The following GABRB2 variants were observed in gnomAD, a reference collection of about 807,000 sequenced individuals.
GABRB2 encodes the protein gamma-aminobutyric acid type A receptor subunit beta2.
GABRB2 carries 16 observed loss-of-function variants against 54.7 expected under a neutral mutation model. The ratio of observed to expected loss-of-function variants is 0.29; its 90% CI spans 0.20 to 0.44. The LOEUF is 0.44. Ranked by LOEUF, GABRB2 falls within the 20% of genes least tolerant of loss-of-function variation. GABRB2 has a pLI of 1.00. For synonymous variants in GABRB2, 244 were observed against 233.8 expected, an observed-to-expected ratio of 1.04 and a Z score of -0.40; for missense variants, 355 against 644.0, an observed-to-expected ratio of 0.55 and a Z score of 4.86.
intron 3 of GABRB2, among the ~76,000 whole-genome samples, chr5:161,525,035 CA>C (rs1388452804): frequency 6.6e-6 from 1 of 151,236 alleles, no homozygotes; most frequent in East Asian, 1.9e-4. Context: ...TGCTCAGAAT[CA>C]GAACAAAAAT....
At chr5:161,500,362 A>T (rs564773315) in intron 3 of GABRB2, among the ~76,000 whole-genome samples, 2 of 152,154 alleles carry the variant, frequency 1.3e-5, no homozygotes, top group Admixed American at 1.3e-4. Flanking sequence ...GGAGTGGATG[A>T]CCCTGAAGTC....
chr5:161,431,655 T>C (rs1290035381), intron 4 of GABRB2, among the ~76,000 whole-genome samples: 1 of 152,204 alleles, frequency 6.6e-6, no homozygotes, highest in Non-Finnish European at 1.5e-5. Context: ...AGTTTCTACA[T>C]TTCTCCTGCA....
At chr5:161,478,324 G>A (rs984035280) in intron 3 of GABRB2, among the ~76,000 whole-genome samples, 2 of 151,938 alleles carry the variant, frequency 1.3e-5, no homozygotes, top group African/African-American at 4.8e-5. Flanking sequence ...GAATTACAAA[G>A]GTTGCATACA....
chr5:161,346,077 T>G (rs1264218701), intron 5 of GABRB2, among the ~76,000 whole-genome samples: 1 of 152,050 alleles, frequency 6.6e-6, no homozygotes, highest in Non-Finnish European at 1.5e-5. Context: ...AGTATCAGAG[T>G]CATCAAAAGA....
chr5:161,452,945 G>A (rs977121510), intron 4 of GABRB2, among the ~76,000 whole-genome samples: 3 of 152,142 alleles, frequency 2.0e-5, no homozygotes, highest in Non-Finnish European at 4.4e-5. Flanking sequence ...GCTGTGAGTC[G>A]AGATTGCATC....
At chr5:161,378,334 A>G (rs1390958366) in intron 5 of GABRB2, among the ~76,000 whole-genome samples, 3 of 152,188 alleles carry the variant, frequency 2.0e-5, no homozygotes, top group South Asian at 4.1e-4. Flanking sequence ...AAAAATATCC[A>G]GTCTTAAGTA....
At chr5:161,301,090 T>C (rs1231274818) in intron 9 of GABRB2, among the ~76,000 whole-genome samples, 1 of 152,186 alleles carries the variant, frequency 6.6e-6, no homozygotes, top group African/African-American at 2.4e-5. Context: ...AGTTAGCAAT[T>C]GGCCCGGAGT....
At chr5:161,410,586 GT>G (rs1342632184) in intron 5 of GABRB2, among the ~76,000 whole-genome samples, 1 of 152,128 alleles carries the variant, frequency 6.6e-6, no homozygotes, top group Non-Finnish European at 1.5e-5. Flanking sequence ...AAGATAGAAA[GT>G]TTATGAGAGG....
intron 3 of GABRB2, among the ~76,000 whole-genome samples, chr5:161,542,220 A>G (rs951445113): frequency 6.6e-6 from 1 of 152,216 alleles, no homozygotes; most frequent in African/African-American, 2.4e-5. Context: ...CACAGAAAAT[A>G]TAATAATAAT....
chr5:161,431,398 T>C (rs1238970176), intron 4 of GABRB2, among the ~76,000 whole-genome samples: 1 of 152,168 alleles, frequency 6.6e-6, no homozygotes, highest in Non-Finnish European at 1.5e-5. Context: ...AAGAAAAATA[T>C]CATTGCAAGA....
At chr5:161,468,456 C>T (rs71605495) in intron 3 of GABRB2, among the ~76,000 whole-genome samples, 3,412 of 152,136 alleles carry the variant, frequency 0.022, 61 homozygotes, top group Non-Finnish European at 0.034. Flanking sequence ...TGTCCCCAAG[C>T]ATGGTTGGTT....
intron 3 of GABRB2, among the ~76,000 whole-genome samples, chr5:161,514,758 T>C (rs970683676): frequency 1.2e-4 from 18 of 152,236 alleles, no homozygotes; most frequent in Non-Finnish European, 2.4e-4. Context: ...CCAAGATTAA[T>C]GTCTACATAC....
At chr5:161,505,225 T>C (rs972180413) in intron 3 of GABRB2, among the ~76,000 whole-genome samples, 5 of 151,590 alleles carry the variant, frequency 3.3e-5, no homozygotes, top group Admixed American at 2.6e-4. Context: ...GCCTCCTGGG[T>C]TCAAGTGATA....
intron 5 of GABRB2, among the ~76,000 whole-genome samples, chr5:161,368,147 A>ACACACACG (rs1235780124): frequency 6.6e-6 from 1 of 151,618 alleles, no homozygotes; most frequent in Admixed American, 6.6e-5. Flanking sequence ...ACACACACAC[A>ACACACACG]CACTCTTCCA....
intron 3 of GABRB2, among the ~76,000 whole-genome samples, chr5:161,485,692 T>A (rs1758900738): frequency 6.6e-6 from 1 of 151,992 alleles, no homozygotes; most frequent in African/African-American, 2.4e-5. Context: ...AAGGTGTTCA[T>A]GAGAGATAAC....
intron 3 of GABRB2, among the ~76,000 whole-genome samples, chr5:161,501,296 TA>T (rs139554405): frequency 0.21 from 31,250 of 149,372 alleles, 3,655 homozygotes; most frequent in Non-Finnish European, 0.27. Flanking sequence ...AAGTCTTTGT[TA>T]AAAAAAAAAG....
At chr5:161,333,781 T>C (rs185549533) in intron 7 of GABRB2, among the ~76,000 whole-genome samples, 28 of 152,266 alleles carry the variant, frequency 1.8e-4, no homozygotes, top group Admixed American at 6.5e-4. Context: ...GGTATCCACA[T>C]TGCTCTCAAT....
chr5:161,373,796 T>C (rs374625385), intron 5 of GABRB2, among the ~76,000 whole-genome samples: 5 of 152,308 alleles, frequency 3.3e-5, no homozygotes, highest in African/African-American at 1.2e-4. Context: ...ACTTCCAGCC[T>C]TTTCAGAGCA....
chr5:161,368,949 G>T (rs1755050704), intron 5 of GABRB2, among the ~76,000 whole-genome samples: 1 of 152,098 alleles, frequency 6.6e-6, no homozygotes, highest in Non-Finnish European at 1.5e-5. Context: ...TATAATGTAG[G>T]GCCCTGCATA....
Sources: allele counts gnomAD v4.1 joint callset (sites outside exome capture counted in the v4.1 genomes callset), GRCh38; gene constraint gnomAD v4.1.1; transcripts MANE v1.5; gene names NCBI Gene and HGNC (gene_info 2026-07-23, HGNC 2026-07-21).